AATK: variants seen among roughly 807,000 people sequenced by gnomAD.
AATK encodes the protein serine/threonine-protein kinase LMTK1.
AATK carries 91 observed loss-of-function variants against 114.3 expected under a neutral mutation model. The observed-to-expected ratio is 0.80, with a 90% CI of 0.67 to 0.95. AATK has a LOEUF of 0.95. Ranked by LOEUF, AATK falls within the 40% of genes least tolerant of loss-of-function variation. The probability of loss-of-function intolerance (pLI) is 0.00; values close to 1 mark genes in which losing one functional copy is unlikely to be tolerated. For missense variants in AATK, 2,176 were observed against 1,965.2 expected, an observed-to-expected ratio of 1.11 and a Z score of -2.03; for synonymous variants, 1,075 against 916.5, an observed-to-expected ratio of 1.17 and a Z score of -3.12.
At chr17:81,128,881 G>A in intron 3 of AATK, 3 of 1,165,146 alleles carry the variant, frequency 2.6e-6, no homozygotes, top group Non-Finnish European at 3.2e-6. Flanking sequence ...CAGGCAGGCA[G>A]TGTGGCTGAG....
chr17:81,117,702 A>G lies in AATK; in HGVS notation c.*700T>C, dbSNP rs1436563530. ...AACGGGGCCCACGGGGCAGGAGTACAGCCTGGAAGCCCCTCCACCCCTGAT... is the reference window on the plus strand; with the variant it reads ...AACGGGGCCCACGGGGCAGGAGTACGGCCTGGAAGCCCCTCCACCCCTGAT... On this transcript the variant is annotated 3_prime_UTR_variant, in exon 14 of 14. Transcript: ENST00000326724. 6.6e-6 allele frequency: 1 copy of G among 152,322 alleles called. No homozygotes were observed. Among genetic ancestry groups the G allele is most frequent in the Non-Finnish European group, 1.5e-5 (1 of 68,108 alleles). The allele number at this position is 152,322 out of a possible 1,614,324, so 9.4% of individuals were successfully genotyped here.
Position 81,123,261 on chromosome 17 carries a change from A to G in AATK, c.1045T>C (p.Tyr349His). 1 of 1,407,618 alleles carries G rather than the reference A, an allele frequency of 7.1e-7. No individual in the cohort carries two copies. 87.2% of individuals were successfully genotyped at this position (1,407,618 alleles called of 1,614,324 possible). Residue 349 changes from tyrosine to histidine, a missense_variant, in exon 10 of 14, where the codon TAC (tyrosine) becomes CAC (histidine). Transcript: ENST00000326724. The stretch of plus-strand genomic sequence containing the variant: ...TTGAGCTGCTGCTCCCGGACCGTGT[A>G]CGCCAGCACCTGCTGGTCCGAGTGC... ...PQHSDQQVLA[Y>H]TVREQQLKLP...
intron 2 of AATK, chr17:81,131,896 G>C (rs1383156911): frequency 7.5e-7 from 1 of 1,332,248 alleles, no homozygotes; most frequent in Admixed American, 2.1e-5. Context: ...ACCCTGGGCA[G>C]CCCACCTGCC....
chr17:81,127,276 A>AG (rs2060854127), intron 6 of AATK, among the ~76,000 whole-genome samples: 1 of 146,102 alleles, frequency 6.8e-6, no homozygotes, highest in Admixed American at 6.7e-5. Context: ...GCCCCCCCCC[A>AG]GTTGGCCCAG....
Position 81,150,989 on chromosome 17 carries a change from C to G in AATK, c.55+14949G>C, listed in dbSNP as rs565859441. Among the ~76,000 whole-genome samples the G allele has an allele frequency of 3.9e-5, 6 of 152,280 alleles. No individual in the cohort carries two copies. In the South Asian group the frequency reaches 1.2e-3, roughly 32 times the overall value. On this transcript the variant is annotated intron_variant, in intron 1 of 13. Transcript: ENST00000326724. ...CCAGAGTGGTCCCCATTGTCTGTTA[C>G]GAATACCCCTACCTCTCAGTTGCAG...
intron 1 of AATK, among the ~76,000 whole-genome samples, chr17:81,156,630 C>G (rs2146408181): frequency 6.6e-6 from 1 of 152,222 alleles, no homozygotes; most frequent in East Asian, 1.9e-4. Flanking sequence ...AACTCCTGAC[C>G]TGGTGATCCG....
intron 1 of AATK, among the ~76,000 whole-genome samples, chr17:81,143,047 G>A (rs1411018237): frequency 2.0e-5 from 3 of 152,236 alleles, no homozygotes; most frequent in African/African-American, 7.2e-5. Context: ...ACTCAGCACA[G>A]AGCTGGGGGA....
Position 81,120,184 on chromosome 17 carries a change from G to T in AATK, c.3735+17C>A. 1 of 1,552,500 alleles carries T rather than the reference G, an allele frequency of 6.4e-7. No homozygotes were observed. The highest frequency in any genetic ancestry group is 8.7e-7 in the Non-Finnish European group (1 of 1,143,764). ...CGACCCCCAGCCCCGGGCAGACCCCGGGTGGCGGCGGCCCACCTGGTCAAA... is the reference window on the plus strand; with the variant it reads ...CGACCCCCAGCCCCGGGCAGACCCCTGGTGGCGGCGGCCCACCTGGTCAAA... On this transcript the variant is annotated intron_variant, in intron 11 of 13. Transcript: ENST00000326724.
chr17:81,139,271 G>C (rs1234683111), intron 1 of AATK, among the ~76,000 whole-genome samples: 6 of 152,308 alleles, frequency 3.9e-5, no homozygotes, highest in African/African-American at 1.4e-4. Flanking sequence ...CAAGCCACGT[G>C]GGAGGCCCCA....
At chr17:81,130,150 A>G (rs1232774787) in intron 3 of AATK, among the ~76,000 whole-genome samples, 1 of 152,252 alleles carries the variant, frequency 6.6e-6, no homozygotes, top group East Asian at 1.9e-4. Flanking sequence ...CCGCAGTAAC[A>G]GGCCCTGGTG....
chr17:81,159,295 C>G (rs999625394), intron 1 of AATK, among the ~76,000 whole-genome samples: 1 of 152,184 alleles, frequency 6.6e-6, no homozygotes, highest in African/African-American at 2.4e-5. Context: ...TCACAGAGAG[C>G]GAGCGAGATC....
rs1319599207 is a variant in AATK at position 81,127,893 on chromosome 17, C to T, written c.432G>A (p.Val144=). The part of the protein sequence containing the change: ...GWFGKVFLGE[V]NSGISSAQVV... Reference sequence around the variant, plus strand: ...CCTGGGCACTGCTGATGCCAGAGTTCACCTCCCCCAGGAACACCTGTGGGA... The same window carrying T: ...CCTGGGCACTGCTGATGCCAGAGTTTACCTCCCCCAGGAACACCTGTGGGA... The change falls in exon 5 of 14, where the codon GTG becomes GTA. Residue 144 remains valine, a synonymous_variant. Transcript: ENST00000326724. 3.5e-5 allele frequency: 54 copies of T among 1,548,954 alleles called. No individual in the cohort carries two copies. The highest frequency in any genetic ancestry group is 4.6e-5 in the Non-Finnish European group (53 of 1,146,982).
At chr17:81,131,006 G>A (rs1033007022) in intron 3 of AATK, 55 bp downstream of exon 3, 44 of 1,527,636 alleles carry the variant, frequency 2.9e-5, no homozygotes, top group Middle Eastern at 1.9e-4. Flanking sequence ...CACACCCAAC[G>A]CCCAGCACCT....
chr17:81,120,762 T>TGG lies in AATK; in HGVS notation c.3172_3173dup (p.Leu1059HisfsTer46). On this transcript the variant is annotated frameshift_variant, in exon 11 of 14. Coordinates refer to ENST00000326724, the MANE Select transcript of AATK (RefSeq NM_001080395.3). LOFTEE classifies it high-confidence loss of function. ...GGGAGGACCCTTCAAGCTGCAGCAG[T>TGG]GGGGGCAGCACCTCCCCGGGGCCAG... is the stretch of plus-strand genomic sequence containing the variant. 1 of 1,575,242 alleles carries TGG rather than the reference T, an allele frequency of 6.3e-7. No individual in the cohort carries two copies.
chr17:81,119,051 G>A (rs1252264544), intron 13 of AATK, among the ~76,000 whole-genome samples: 2 of 152,174 alleles, frequency 1.3e-5, no homozygotes, highest in African/African-American at 2.4e-5. Context: ...AGGGACTTCT[G>A]GCTGGGAAGG....
chr17:81,118,545 G>C, intron 13 of AATK, 103 bp from the exon 14 acceptor site: 1 of 1,254,296 alleles, frequency 8.0e-7, no homozygotes. Context: ...ATACAGGCCG[G>C]GCCCCTTCCC....
chr17:81,162,135 G>A (rs1190758797), intron 1 of AATK, among the ~76,000 whole-genome samples: 3 of 152,150 alleles, frequency 2.0e-5, no homozygotes, highest in Non-Finnish European at 4.4e-5. Flanking sequence ...CATGCTGGTA[G>A]GTGGGAGCCG....
At chr17:81,119,250 CCG>C in intron 13 of AATK, 128 bp downstream of exon 13, 1 of 981,990 alleles carries the variant, frequency 1.0e-6, no homozygotes, top group South Asian at 1.9e-5. Context: ...AGGAGCGGGG[CCG>C]GGAAGGAGCG....
At chr17:81,165,866 G>C (rs1295099009) in intron 1 of AATK, 72 bp downstream of exon 1, 5 of 1,535,666 alleles carry the variant, frequency 3.3e-6, no homozygotes, top group African/African-American at 1.4e-5. Flanking sequence ...ACCGGGAGCC[G>C]TGGGGCCCAG....
Sources: allele counts gnomAD v4.1 joint callset (sites outside exome capture counted in the v4.1 genomes callset), GRCh38; gene constraint gnomAD v4.1.1; transcripts MANE v1.5; gene names NCBI Gene and HGNC (gene_info 2026-07-23, HGNC 2026-07-21).